TBC1D22A: variants seen among roughly 807,000 people sequenced by gnomAD.
TBC1D22A encodes the protein TBC1 domain family member 22A.
TBC1D22A carries 38 observed loss-of-function variants against 60.2 expected under a neutral mutation model. The observed-to-expected ratio is 0.63, with a 90% CI of 0.49 to 0.83. The LOEUF (loss-of-function observed/expected upper bound fraction) is 0.83. Ranked by LOEUF, TBC1D22A falls within the 40% of genes least tolerant of loss-of-function variation. The pLI is 0.00. For synonymous variants in TBC1D22A, 302 were observed against 281.7 expected (o/e 1.07, Z -0.72); for missense variants, 628 against 701.0 (o/e 0.90, Z 1.18).
chr22:47,092,186 G>A (rs1442644239), intron 11 of TBC1D22A, among the ~76,000 whole-genome samples: 1 of 152,182 alleles, frequency 6.6e-6, no homozygotes, highest in East Asian at 1.9e-4. Context: ...GGATGTCGGA[G>A]CAGGGCGCCT....
In TBC1D22A at chr22:46,894,805, A is replaced by C; in HGVS notation, c.859A>C (p.Met287Leu). Reference protein sequence around the residue: ...YRQIHIDIPRMSPEALILQPK... With the variant: ...YRQIHIDIPRLSPEALILQPK... The stretch of plus-strand genomic sequence containing the variant: ...CCAGATCCACATAGACATCCCTCGC[A>C]TGAGCCCTGAAGCGTTGATCCTGCA... Residue 287 changes from methionine (M) to leucine (L), a missense_variant, in exon 7 of 13, where the codon ATG becomes CTG. Physicochemically the swap from Met to Leu is conservative, Grantham distance 15 (BLOSUM62 2). Coordinates refer to ENST00000337137, the MANE Select transcript of TBC1D22A (RefSeq NM_014346.5). 6.2e-7 allele frequency: 1 copy of C among 1,614,230 alleles called. No homozygotes were observed. The highest frequency in any genetic ancestry group is 8.5e-7 in the Non-Finnish European group (1 of 1,180,036).
At chr22:47,099,310 G>A (rs1211825390) in intron 11 of TBC1D22A, among the ~76,000 whole-genome samples, 1 of 152,178 alleles carries the variant, frequency 6.6e-6, no homozygotes, top group East Asian at 1.9e-4. Context: ...TTTCAGGAAG[G>A]CATGAGAGGC....
chr22:46,808,914 T>A (rs1244476426), intron 4 of TBC1D22A, among the ~76,000 whole-genome samples: 2 of 152,242 alleles, frequency 1.3e-5, no homozygotes, highest in African/African-American at 4.8e-5. Context: ...TTTGAGGTAT[T>A]CATATAAACT....
intron 4 of TBC1D22A, among the ~76,000 whole-genome samples, chr22:46,837,764 T>C (rs932622831): frequency 2.6e-5 from 4 of 152,188 alleles, no homozygotes; most frequent in Non-Finnish European, 1.5e-5. Flanking sequence ...AAGTGCCTTG[T>C]TAAGAAAAAA....
At chr22:47,061,307 C>T (rs1179501520) in intron 11 of TBC1D22A, among the ~76,000 whole-genome samples, 1 of 152,128 alleles carries the variant, frequency 6.6e-6, no homozygotes, top group Non-Finnish European at 1.5e-5. Context: ...GGGGCAGATA[C>T]GGGGCCTGGC....
chr22:47,076,488 C>G (rs1223431665), intron 11 of TBC1D22A, among the ~76,000 whole-genome samples: 1 of 151,216 alleles, frequency 6.6e-6, no homozygotes, highest in African/African-American at 2.4e-5. Context: ...TACCAAATCC[C>G]CTGCATTTGG....
intron 4 of TBC1D22A, among the ~76,000 whole-genome samples, chr22:46,852,107 G>A (rs1409899864): frequency 1.3e-5 from 2 of 152,244 alleles, no homozygotes; most frequent in African/African-American, 2.4e-5. Context: ...GGAGTCAGCC[G>A]TCTTTCCCAG....
At chr22:47,002,193 C>T (rs540493157) in intron 10 of TBC1D22A, among the ~76,000 whole-genome samples, 7 of 152,356 alleles carry the variant, frequency 4.6e-5, no homozygotes, top group East Asian at 1.9e-4. Flanking sequence ...ATTTCCACTC[C>T]GTATTACATC....
chr22:47,066,604 A>T (rs758304115), intron 11 of TBC1D22A, among the ~76,000 whole-genome samples: 5 of 152,222 alleles, frequency 3.3e-5, no homozygotes, highest in Non-Finnish European at 7.3e-5. Context: ...ATTCCCGTGG[A>T]AGGCAAAGCA....
At chr22:46,846,895 G>T (rs946132045) in intron 4 of TBC1D22A, among the ~76,000 whole-genome samples, 1 of 151,980 alleles carries the variant, frequency 6.6e-6, no homozygotes, top group Non-Finnish European at 1.5e-5. Flanking sequence ...CTTTCTGTAC[G>T]TCAGTATACA....
intron 5 of TBC1D22A, among the ~76,000 whole-genome samples, chr22:46,886,314 G>A (rs2068113855): frequency 6.6e-6 from 1 of 152,212 alleles, no homozygotes; most frequent in Non-Finnish European, 1.5e-5. Flanking sequence ...TCCATCACGA[G>A]GACTCTGAGT....
intron 8 of TBC1D22A, among the ~76,000 whole-genome samples, chr22:46,936,374 C>T (rs914964541): frequency 3.3e-5 from 5 of 152,154 alleles, no homozygotes; most frequent in Non-Finnish European, 5.9e-5. Context: ...TGCATGCCCT[C>T]GTGGCTCCCC....
intron 8 of TBC1D22A, among the ~76,000 whole-genome samples, chr22:46,955,984 T>C (rs2073166768): frequency 6.6e-6 from 1 of 152,204 alleles, no homozygotes; most frequent in African/African-American, 2.4e-5. Flanking sequence ...ATTGGGTACA[T>C]TGATTTCTGT....
intron 4 of TBC1D22A, among the ~76,000 whole-genome samples, chr22:46,803,634 G>GTT (rs1455003587): frequency 2.6e-5 from 4 of 152,220 alleles, no homozygotes; most frequent in African/African-American, 4.8e-5. Context: ...GTGTCTGTGT[G>GTT]TGTTCACCGT....
At chr22:47,021,604 C>T (rs2062090725) in intron 10 of TBC1D22A, among the ~76,000 whole-genome samples, 1 of 151,812 alleles carries the variant, frequency 6.6e-6, no homozygotes, top group Admixed American at 6.6e-5. Context: ...GAGCAGGGAA[C>T]CTAGCAGAAC....
intron 11 of TBC1D22A, among the ~76,000 whole-genome samples, chr22:47,051,473 A>G (rs750263393): frequency 5.9e-5 from 9 of 152,070 alleles, no homozygotes; most frequent in South Asian, 2.1e-4. Context: ...ACTTGCTTCA[A>G]TGCGGACCCT....
chr22:47,172,076 A>AGCCTACCCAGCACTCCCAGTGT (rs1569482663), intron 12 of TBC1D22A, among the ~76,000 whole-genome samples: 10 of 124,074 alleles, frequency 8.1e-5, no homozygotes, highest in East Asian at 5.7e-4. Context: ...ACTCCCAGTG[A>AGCCTACCCAGCACTCCCAGTGT]GCCTACCCAG....
chr22:47,141,435 A>G (rs566480050), intron 12 of TBC1D22A, among the ~76,000 whole-genome samples: 1 of 152,242 alleles, frequency 6.6e-6, no homozygotes, highest in Non-Finnish European at 1.5e-5. Flanking sequence ...CCCCTTACGC[A>G]CGCATTTATA....
intron 4 of TBC1D22A, among the ~76,000 whole-genome samples, chr22:46,843,656 G>C (rs1042525435): frequency 2.0e-5 from 3 of 152,054 alleles, no homozygotes; most frequent in Non-Finnish European, 2.9e-5. Context: ...GGGCCATATT[G>C]TTTATCATCT....
Sources: allele counts gnomAD v4.1 joint callset (sites outside exome capture counted in the v4.1 genomes callset), GRCh38; gene constraint gnomAD v4.1.1; transcripts MANE v1.5; gene names NCBI Gene and HGNC (gene_info 2026-07-23, HGNC 2026-07-21).